FAM120A: variants seen among roughly 807,000 people sequenced by gnomAD.
The protein encoded by FAM120A is constitutive coactivator of PPAR-gamma-like protein 1.
A neutral mutation model predicts 109.7 loss-of-function variants in FAM120A; 15 were observed. The observed-to-expected ratio is 0.14, with a 90% CI of 0.09 to 0.21. The LOEUF (loss-of-function observed/expected upper bound fraction) is 0.21, where lower values mean the gene tolerates loss of function less well. Among genes scored for constraint, FAM120A ranks in the 10% least tolerant of loss-of-function variants. The pLI is 1.00. For synonymous variants in FAM120A, 493 were observed against 572.8 expected (o/e 0.86, Z 1.99); for missense variants, 899 against 1,439.3 (o/e 0.62, Z 6.07).
chr9:93,548,283 TG>T (rs1382847004), intron 11 of FAM120A, among the ~76,000 whole-genome samples: 8 of 152,250 alleles, frequency 5.3e-5, no homozygotes, highest in Admixed American at 5.2e-4. Flanking sequence ...TTTTTGTTTT[TG>T]TATTTTTAGT....
At position 93,549,236 on chromosome 9, in the gene FAM120A, A is replaced by G. The variant is rs373478610; in HGVS notation, c.2160-1341A>G. Among the ~76,000 whole-genome samples the G allele has an allele frequency of 8.9e-4, 135 of 152,260 alleles. 3 individuals are homozygous for G. In the South Asian group the frequency reaches 0.027, roughly 30 times the overall value. On this transcript the variant is annotated intron_variant, in intron 11 of 17. Transcript: ENST00000277165. Reference sequence around the variant, plus strand: ...AATATAAATACCATAGAAATGTAACATTTGCTGTTTGTTCTCCTTGAAATT... The same window carrying G: ...AATATAAATACCATAGAAATGTAACGTTTGCTGTTTGTTCTCCTTGAAATT...
At position 93,518,815 on chromosome 9, in the gene FAM120A, G is replaced by A. The variant is rs1305358755; in HGVS notation, c.1418+2546G>A. Among the ~76,000 whole-genome samples, 7 of 152,336 alleles carry A rather than the reference G, an allele frequency of 4.6e-5. 1 individual carries two copies. In the East Asian group the frequency reaches 1.3e-3, roughly 29 times the overall value. On this transcript the variant is annotated intron_variant, in intron 7 of 17. Coordinates refer to ENST00000277165, the MANE Select transcript of FAM120A (RefSeq NM_014612.5). ...CAGCTGGATGTGTTCTACGTGCCAC[G>A]GGAAACATCTAGAGCAAACTTGTTC...
intron 10 of FAM120A, among the ~76,000 whole-genome samples, chr9:93,541,370 C>G (rs867302478): frequency 6.6e-6 from 1 of 151,904 alleles, no homozygotes; most frequent in Non-Finnish European, 1.5e-5. Flanking sequence ...CTGTATGTTC[C>G]GAGTCTACTT....
intron 8 of FAM120A, among the ~76,000 whole-genome samples, chr9:93,527,761 T>A (rs1156916131): frequency 6.6e-6 from 1 of 151,662 alleles, no homozygotes; most frequent in Non-Finnish European, 1.5e-5. Flanking sequence ...TAGCTGAGAT[T>A]ATAGGCGTGC....
In FAM120A at chr9:93,532,024, G is replaced by A. The variant is rs752408366; in HGVS notation, c.1735-131G>A. 3 of 872,004 alleles carry A rather than the reference G, an allele frequency of 3.4e-6. No homozygotes were observed. Among genetic ancestry groups the A allele is most frequent in the Non-Finnish European group, 5.4e-6 (3 of 557,684 alleles). 54.0% of individuals were successfully genotyped at this position (872,004 alleles called of 1,614,324 possible). ...TTCCTAAACATCTTTATTTAGGCAAGTTGTTAAGCAGTTGATTTGGAATGG... is the reference window on the plus strand; with the variant it reads ...TTCCTAAACATCTTTATTTAGGCAAATTGTTAAGCAGTTGATTTGGAATGG... On this transcript the variant is annotated intron_variant, in intron 9 of 17. Transcript: ENST00000277165. This position sits in a 1 kb window ranked among gnomAD's most constrained non-coding sequence, Gnocchi z 4.3.
rs192986329 is a variant in FAM120A, at chr9:93,541,884, C to T, written c.1910-1338C>T. Among the ~76,000 whole-genome samples, 472 of 152,128 alleles carry T rather than the reference C, an allele frequency of 3.1e-3. 5 individuals carry two copies. The highest frequency in any genetic ancestry group is 0.017 in the South Asian group (82 of 4,822). ...TGAAATGTATTTAAGCATTTTTTTTCTGTTGCTGAGAAACTGTGTATCCAA... is the reference window on the plus strand; with the variant it reads ...TGAAATGTATTTAAGCATTTTTTTTTTGTTGCTGAGAAACTGTGTATCCAA... On this transcript the variant is annotated intron_variant, in intron 10 of 17. Coordinates refer to ENST00000277165, the MANE Select transcript of FAM120A (RefSeq NM_014612.5).
intron 7 of FAM120A, among the ~76,000 whole-genome samples, chr9:93,519,351 C>T (rs1319421995): frequency 1.3e-5 from 2 of 152,148 alleles, no homozygotes; most frequent in African/African-American, 2.4e-5. Context: ...AAGCGATTCT[C>T]CTGCCCCAGC....
intron 10 of FAM120A, among the ~76,000 whole-genome samples, chr9:93,539,019 A>G (rs1441720063): frequency 7.3e-6 from 1 of 137,778 alleles, no homozygotes; most frequent in Non-Finnish European, 1.6e-5. Flanking sequence ...TTTTTTTGAG[A>G]CGGAGTCTCA....
At chr9:93,516,433 G>GA in intron 7 of FAM120A, among the ~76,000 whole-genome samples, 164 bp downstream of exon 7, 1 of 152,302 alleles carries the variant, frequency 6.6e-6, no homozygotes, top group Admixed American at 6.5e-5. Context: ...ACAGAGAGGA[G>GA]AGAGGAAGAG....
Position 93,475,721 on chromosome 9 carries a change from A to G in FAM120A, c.722-535A>G, listed in dbSNP as rs1011727121. Among the ~76,000 whole-genome samples, 8 of 152,136 alleles carry G rather than the reference A, an allele frequency of 5.3e-5. No homozygotes were observed. In the South Asian group the frequency reaches 6.2e-4, roughly 12 times the overall value. ...ATTACTGTAGGATGGGCCTTTTCAC[A>G]TATGTTTGTGGGTGGTGATGGAAAT... On this transcript the variant is annotated intron_variant, in intron 2 of 17. Transcript: ENST00000277165.
At chr9:93,495,417 G>A (rs1006324395) in intron 3 of FAM120A, among the ~76,000 whole-genome samples, 11 of 152,182 alleles carry the variant, frequency 7.2e-5, no homozygotes, top group African/African-American at 2.7e-4. Context: ...CACAGACTTG[G>A]AAAGGCAGAG....
At chr9:93,464,430 A>G (rs955944282) in intron 1 of FAM120A, among the ~76,000 whole-genome samples, 1 of 152,184 alleles carries the variant, frequency 6.6e-6, no homozygotes, top group Non-Finnish European at 1.5e-5. Context: ...AAACTTGTCA[A>G]CACTAATGAC....
At chr9:93,486,080 C>T (rs1488506262) in intron 3 of FAM120A, among the ~76,000 whole-genome samples, 1 of 152,170 alleles carries the variant, frequency 6.6e-6, no homozygotes, top group Non-Finnish European at 1.5e-5. Flanking sequence ...CCAGGCAATC[C>T]TCCTGCCTCA....
At chr9:93,562,665 C>CTTTTTTTT (rs535421624) in intron 17 of FAM120A, among the ~76,000 whole-genome samples, 3 of 134,988 alleles carry the variant, frequency 2.2e-5, no homozygotes, top group Non-Finnish European at 3.2e-5. Flanking sequence ...CTTTCTTTTT[C>CTTTTTTTT]TTTTTTTTTT....
chr9:93,484,011 G>T (rs1858928729), intron 3 of FAM120A, among the ~76,000 whole-genome samples: 2 of 151,482 alleles, frequency 1.3e-5, no homozygotes, highest in Admixed American at 6.6e-5. Flanking sequence ...ATCTCTTGGG[G>T]CTCAAGAATA....
chr9:93,482,458 T>C (rs1029248549), intron 3 of FAM120A, among the ~76,000 whole-genome samples: 6 of 152,212 alleles, frequency 3.9e-5, no homozygotes, highest in African/African-American at 1.4e-4. Context: ...GCCAAAGTGC[T>C]AAGATTATAG....
intron 1 of FAM120A, 129 bp from the exon 2 acceptor site, chr9:93,471,012 G>T: frequency 1.8e-6 from 2 of 1,107,528 alleles, no homozygotes; most frequent in African/African-American, 1.6e-5. Flanking sequence ...GCATTTTTTT[G>T]ACTGTTTGGC....
intron 3 of FAM120A, among the ~76,000 whole-genome samples, chr9:93,496,755 G>A (rs913653556): frequency 2.8e-4 from 42 of 152,328 alleles, no homozygotes; most frequent in African/African-American, 9.6e-4. Flanking sequence ...GGACAGCTTT[G>A]GGAGGTCATT....
In FAM120A at chr9:93,487,310, C is replaced by T. The variant is rs138540848; in HGVS notation, c.805-10161C>T. Among the ~76,000 whole-genome samples the T allele has an allele frequency of 8.4e-3, 1,282 of 151,980 alleles. 16 individuals carry two copies. Among genetic ancestry groups the T allele is most frequent in the African/African-American group, 0.029 (1,217 of 41,418 alleles). ...CCGAGCAGCTGGGACTACAGGTGTGCGCCACCATGCCCAGCTAATTTTTGT... is the reference window on the plus strand; with the variant it reads ...CCGAGCAGCTGGGACTACAGGTGTGTGCCACCATGCCCAGCTAATTTTTGT... On this transcript the variant is annotated intron_variant, in intron 3 of 17. Transcript: ENST00000277165.
Sources: allele counts gnomAD v4.1 joint callset (sites outside exome capture counted in the v4.1 genomes callset), GRCh38; gene constraint gnomAD v4.1.1; non-coding constraint Gnocchi (gnomAD v3.1); transcripts MANE v1.5; gene names NCBI Gene and HGNC (gene_info 2026-07-23, HGNC 2026-07-21).